Variants in CCDC191 observed in about 807,000 individuals in gnomAD.
The protein encoded by CCDC191 is coiled-coil domain containing 191, also known as coiled-coil domain-containing protein 191.
CCDC191 carries 99 observed loss-of-function variants against 114.0 expected under a neutral mutation model. That is an observed-to-expected ratio of 0.87 (90% CI 0.74 to 1.03). CCDC191 has a LOEUF of 1.03. Ranked by LOEUF, CCDC191 falls within the 50% of genes least tolerant of loss-of-function variation. The probability of loss-of-function intolerance (pLI) is 0.00; values close to 1 mark genes in which losing one functional copy is unlikely to be tolerated. For synonymous variants in CCDC191, 351 were observed against 376.0 expected, an observed-to-expected ratio of 0.93 and a Z score of 0.77; for missense variants, 973 against 1,087.0, an observed-to-expected ratio of 0.90 and a Z score of 1.47.
rs781372595 is a variant in CCDC191, at chr3:113,965,337, G to A, written c.2629C>T (p.Arg877Trp). The change falls in exon 17 of 17, where the codon CGG becomes TGG. Residue 877 changes from arginine (R) to tryptophan (W), a missense_variant. Coordinates refer to ENST00000295878, the MANE Select transcript of CCDC191 (RefSeq NM_020817.2). The part of the protein sequence containing the change: ...SDRRILWITL[R>W]TWKKFVKFMK... ...AATTTTACAAACTTCTTCCATGTCCGAAGGGTGATCCAGAGGATCCTCCTT... is the reference window on the plus strand; with the variant it reads ...AATTTTACAAACTTCTTCCATGTCCAAAGGGTGATCCAGAGGATCCTCCTT... 22 of 1,598,066 alleles carry A rather than the reference G, an allele frequency of 1.4e-5. No homozygotes were observed. Among genetic ancestry groups the A allele is most frequent in the East Asian group, 2.2e-5 (1 of 44,550 alleles).
chr3:114,016,558 A>G (rs2107693281), intron 8 of CCDC191, among the ~76,000 whole-genome samples: 1 of 152,270 alleles, frequency 6.6e-6, no homozygotes, highest in East Asian at 1.9e-4. Flanking sequence ...TTGTAAGTTA[A>G]ATGTTTTCTA....
chr3:113,986,122 T>C (rs185123568), intron 13 of CCDC191, among the ~76,000 whole-genome samples: 22 of 152,082 alleles, frequency 1.4e-4, no homozygotes, highest in African/African-American at 4.1e-4. Flanking sequence ...AGCAGAGACA[T>C]GGAAACTATA....
intron 1 of CCDC191, among the ~76,000 whole-genome samples, chr3:114,054,892 G>C (rs909038846): frequency 6.6e-5 from 10 of 152,088 alleles, no homozygotes; most frequent in African/African-American, 2.4e-4. Flanking sequence ...TAAAAATTCA[G>C]GTGTGTTTTT....
At chr3:114,021,681 C>A (rs1452164524) in intron 7 of CCDC191, among the ~76,000 whole-genome samples, 2 of 152,056 alleles carry the variant, frequency 1.3e-5, no homozygotes, top group African/African-American at 4.8e-5. Context: ...ATTCCTCCCT[C>A]CCCCCAGCTT....
chr3:114,041,943 T>G (rs1160252537), intron 4 of CCDC191, among the ~76,000 whole-genome samples: 1 of 151,490 alleles, frequency 6.6e-6, no homozygotes, highest in African/African-American at 2.4e-5. Context: ...CCCTTATAAG[T>G]AATAAATTGT....
chr3:113,966,075 C>A (rs1373199907), intron 16 of CCDC191, among the ~76,000 whole-genome samples: 1 of 152,086 alleles, frequency 6.6e-6, no homozygotes, highest in Non-Finnish European at 1.5e-5. Context: ...GAAACCACAA[C>A]CCTCAACGCA....
Position 113,965,346 on chromosome 3 carries a change from TC to T in CCDC191, c.2619del (p.Trp873Ter). Reference protein sequence around the residue: ...AAEHSDRRILWITLRTWKKFV... With the variant: ...AAEHSDRRILXITLRTWKKFV... Reference sequence around the variant, plus strand: ...AACTTCTTCCATGTCCGAAGGGTGATCCAGAGGATCCTCCTTTAAGAATAAA... The same window carrying T: ...AACTTCTTCCATGTCCGAAGGGTGATCAGAGGATCCTCCTTTAAGAATAAA... On this transcript the variant is annotated frameshift_variant, in exon 17 of 17. Coordinates refer to ENST00000295878, the MANE Select transcript of CCDC191 (RefSeq NM_020817.2). LOFTEE classifies it low-confidence loss of function (END_TRUNC). 6.3e-7 allele frequency: 1 copy of T among 1,578,732 alleles called. No individual in the cohort carries two copies. Among genetic ancestry groups the T allele is most frequent in the Non-Finnish European group, 8.6e-7 (1 of 1,164,814 alleles).
intron 5 of CCDC191, among the ~76,000 whole-genome samples, chr3:114,036,393 T>C (rs1012081200): frequency 6.6e-6 from 1 of 151,940 alleles, no homozygotes; most frequent in Admixed American, 6.6e-5. Flanking sequence ...CTTTTTTTTC[T>C]TTTTGGCTAT....
intron 2 of CCDC191, among the ~76,000 whole-genome samples, chr3:114,047,427 C>A (rs1356450709): frequency 6.6e-6 from 1 of 152,008 alleles, no homozygotes; most frequent in Non-Finnish European, 1.5e-5. Context: ...TTTGGAAGGC[C>A]AAAATGGGAG....
chr3:114,048,368 C>T (rs1257903091), intron 2 of CCDC191, among the ~76,000 whole-genome samples: 2 of 152,188 alleles, frequency 1.3e-5, no homozygotes, highest in Non-Finnish European at 2.9e-5. Context: ...TTCAGTGGCT[C>T]CTGATCTCAA....
At chr3:113,988,107 T>C (rs2075429251) in intron 13 of CCDC191, among the ~76,000 whole-genome samples, 1 of 151,292 alleles carries the variant, frequency 6.6e-6, no homozygotes, top group South Asian at 2.1e-4. Flanking sequence ...AATAGAATCA[T>C]AAAGATGCTT....
chr3:113,990,750 C>G (rs1398288648), intron 13 of CCDC191, among the ~76,000 whole-genome samples: 1 of 151,514 alleles, frequency 6.6e-6, no homozygotes, highest in Non-Finnish European at 1.5e-5. Context: ...ATACTTCCCC[C>G]ATTTTATGAG....
chr3:114,042,120 A>C (rs1324509642), intron 4 of CCDC191, among the ~76,000 whole-genome samples: 1 of 152,204 alleles, frequency 6.6e-6, no homozygotes, highest in Non-Finnish European at 1.5e-5. Flanking sequence ...CAAACAGTCC[A>C]ATGATATATG....
chr3:114,034,802 A>G (rs2076457846), intron 6 of CCDC191, 123 bp downstream of exon 6: 2 of 785,058 alleles, frequency 2.5e-6, no homozygotes, highest in East Asian at 4.9e-5. Flanking sequence ...AGATGGTGGA[A>G]TAGTGAGTGA....
intron 16 of CCDC191, among the ~76,000 whole-genome samples, chr3:113,967,619 T>G (rs1359699140): frequency 6.6e-6 from 1 of 152,150 alleles, no homozygotes; most frequent in East Asian, 1.9e-4. Context: ...CTTAAATATT[T>G]ATCTTTTATT....
Position 114,004,715 on chromosome 3 carries a change from T to C in CCDC191, c.1900A>G (p.Arg634Gly). 4 of 1,612,456 alleles carry C rather than the reference T, an allele frequency of 2.5e-6. No individual in the cohort carries two copies. The highest frequency in any genetic ancestry group is 2.5e-6 in the Non-Finnish European group (3 of 1,179,272). The stretch of plus-strand genomic sequence containing the variant: ...GAAAGAGAATTTCGGGAGTCACTTC[T>C]GCCTTCAGTCCCAGGGGAAGCAACA... ...SPVASPGTEG[R>G]SDSRNSLSGL... The change falls in exon 11 of 17, where the codon AGA becomes GGA. Residue 634 changes from arginine (R) to glycine (G), a missense_variant. Arg to Gly is a moderately radical substitution (Grantham distance 125). Transcript: ENST00000295878.
In CCDC191 at chr3:114,003,522, T is replaced by TGG. The variant is rs532751779; in HGVS notation, c.1979-986_1979-985dup. The TGG allele has an allele frequency of 2.2e-5, 22 of 985,420 alleles. No individual in the cohort carries two copies. The South Asian group carries it at 8.9e-4, about 40-fold the overall frequency. 61.0% of individuals were successfully genotyped at this position (985,420 alleles called of 1,614,324 possible). ...AGAGACCCCTAAGAAGCAGAGTCTCTGGTAATATGCCCTTTGCCCATCTTT... is the reference window on the plus strand; with the variant it reads ...AGAGACCCCTAAGAAGCAGAGTCTCTGGGGTAATATGCCCTTTGCCCATCTTT... On this transcript the variant is annotated intron_variant, in intron 11 of 16. Coordinates refer to ENST00000295878, the MANE Select transcript of CCDC191 (RefSeq NM_020817.2).
At chr3:113,989,976 G>C (rs1311300692) in intron 13 of CCDC191, among the ~76,000 whole-genome samples, 1 of 152,040 alleles carries the variant, frequency 6.6e-6, no homozygotes, top group Non-Finnish European at 1.5e-5. Context: ...AACAGAACAA[G>C]GCCCTGTCTC....
rs139042636 is a variant in CCDC191, at chr3:114,018,739, T to C, written c.1102A>G (p.Arg368Gly). 2.5e-6 allele frequency: 4 copies of C among 1,613,710 alleles called. No individual in the cohort carries two copies. The highest frequency in any genetic ancestry group is 1.1e-5 in the South Asian group (1 of 91,054). ...GTCTCCCGCTCCAACTTCTGGAATC[T>C]TGTGTAGTCTCTCCAGGCCCGCAGG... ...KVLRAWRDYT[R>G]FQKLERETQA... Residue 368 changes from arginine to glycine, a missense_variant, in exon 8 of 17, where the codon AGA becomes GGA. Physicochemically the swap from Arg to Gly is moderately radical, Grantham distance 125 (BLOSUM62 -2). Coordinates refer to ENST00000295878, the MANE Select transcript of CCDC191 (RefSeq NM_020817.2).
Sources: allele counts gnomAD v4.1 joint callset (sites outside exome capture counted in the v4.1 genomes callset), GRCh38; gene constraint gnomAD v4.1.1; transcripts MANE v1.5; gene names NCBI Gene and HGNC (gene_info 2026-07-23, HGNC 2026-07-21).